The following CENPF variants were observed in gnomAD, a reference collection of about 807,000 sequenced individuals.
The protein encoded by CENPF is centromere protein F.
A neutral mutation model predicts 307.3 loss-of-function variants in CENPF; 214 were observed. The observed-to-expected ratio is 0.70, with a 90% CI of 0.62 to 0.78. CENPF has a LOEUF of 0.78. CENPF is among the 30% of genes least tolerant of loss of function. CENPF has a pLI of 0.00. For missense variants in CENPF, 3,401 were observed against 3,483.9 expected, an observed-to-expected ratio of 0.98 and a Z score of 0.60; for synonymous variants, 1,259 against 1,270.6, an observed-to-expected ratio of 0.99 and a Z score of 0.19.
Position 214,622,284 on chromosome 1 carries a change from A to T in CENPF, c.1068+3A>T. 6.3e-7 allele frequency: 1 copy of T among 1,589,948 alleles called. No individual in the cohort carries two copies. The highest frequency in any genetic ancestry group is 8.5e-7 in the Non-Finnish European group (1 of 1,171,158). The stretch of plus-strand genomic sequence containing the variant: ...AATACGACCAGGCGTCAACCAAGGT[A>T]CTTGACTTTTCGTGAATTACTGGAG... On this transcript the variant is annotated splice_donor_region_variant and intron_variant, in intron 7 of 19. Coordinates refer to ENST00000366955, the MANE Select transcript of CENPF (RefSeq NM_016343.4).
At chr1:214,648,854 T>A (rs751262973) in intron 14 of CENPF, 27 bp downstream of exon 14, 2 of 1,607,484 alleles carry the variant, frequency 1.2e-6, no homozygotes, top group African/African-American at 2.7e-5. Context: ...CAAGTGTTAT[T>A]ATGATCTGTT....
In CENPF at chr1:214,664,501, TGTC is replaced by T. The variant is rs1051468128; in HGVS notation, c.*710_*712del. 6 of 152,246 alleles carry T rather than the reference TGTC, an allele frequency of 3.9e-5. No individual in the cohort carries two copies. Among genetic ancestry groups the T allele is most frequent in the African/African-American group, 1.4e-4 (6 of 41,456 alleles). The allele number at this position is 152,246 out of a possible 1,614,324, so 9.4% of individuals were successfully genotyped here. ...TTTTTTACAGTTCTTTGGTAAGCAT[TGTC>T]GTATCTGGTGATGGATTAACATATA... On this transcript the variant is annotated 3_prime_UTR_variant, in exon 20 of 20. Coordinates refer to ENST00000366955, the MANE Select transcript of CENPF (RefSeq NM_016343.4).
At chr1:214,629,235 A>T (rs1484492171) in intron 8 of CENPF, 64 bp downstream of exon 8, 1 of 1,448,082 alleles carries the variant, frequency 6.9e-7, no homozygotes, top group East Asian at 2.5e-5. Flanking sequence ...TCATAGTTTG[A>T]TCACTTGGAA....
intron 15 of CENPF, 111 bp from the exon 16 acceptor site, chr1:214,652,717 A>T: frequency 1.1e-6 from 1 of 886,432 alleles, no homozygotes; most frequent in African/African-American, 1.7e-5. Context: ...TGCTGGGATT[A>T]CAGGTGTGAA....
In CENPF at chr1:214,646,003, C is replaced by A; in HGVS notation, c.6433C>A (p.Arg2145Ser). ...QLHIAEKLKE[R>S]ERENDSLKDK... The stretch of plus-strand genomic sequence containing the variant: ...GCACATCGCAGAGAAACTGAAAGAA[C>A]GCGAGCGGGAGAATGATTCACTTAA... Residue 2145 changes from arginine (R) to serine (S), a missense_variant, in exon 13 of 20, where the codon CGC (arginine) becomes AGC (serine). Physicochemically the swap from Arg to Ser is moderately radical, Grantham distance 110 (BLOSUM62 -1). Coordinates refer to ENST00000366955, the MANE Select transcript of CENPF (RefSeq NM_016343.4). 2 of 1,613,974 alleles carry A rather than the reference C, an allele frequency of 1.2e-6. No homozygotes were observed. Among genetic ancestry groups the A allele is most frequent in the Non-Finnish European group, 1.7e-6 (2 of 1,180,026 alleles).
At chr1:214,608,859 C>G (rs1176019812) in intron 1 of CENPF, 1 of 1,521,742 alleles carries the variant, frequency 6.6e-7, no homozygotes, top group African/African-American at 1.4e-5. Flanking sequence ...CCGCCCGGGC[C>G]AGGCCCCCAC....
chr1:214,652,762 A>ATT, intron 15 of CENPF, 66 bp from the exon 16 acceptor site: 1 of 1,365,768 alleles, frequency 7.3e-7, no homozygotes. Flanking sequence ...TTTTCTGACT[A>ATT]TTTTTTTTTA....
In CENPF at chr1:214,644,607, A is replaced by G. The variant is rs778879822; in HGVS notation, c.5037A>G (p.Ser1679=). The G allele has an allele frequency of 5.0e-6, 8 of 1,613,094 alleles. No homozygotes were observed. Among genetic ancestry groups the G allele is most frequent in the African/African-American group, 1.3e-5 (1 of 74,878 alleles). Residue 1679 remains serine (S), a synonymous_variant, in exon 13 of 20, where the codon TCA becomes TCG. Coordinates refer to ENST00000366955, the MANE Select transcript of CENPF (RefSeq NM_016343.4). ...ESCDISKEHT[S]ETTERTPKHD... is the part of the protein sequence containing the mutation. Reference sequence around the variant, plus strand: ...GTGACATATCAAAAGAACATACTTCAGAAACTACAGAAAGAACACCAAAGC... The same window carrying G: ...GTGACATATCAAAAGAACATACTTCGGAAACTACAGAAAGAACACCAAAGC...
chr1:214,629,082 G>C lies in CENPF; in HGVS notation c.1105G>C (p.Glu369Gln). 1.2e-6 allele frequency: 2 copies of C among 1,610,962 alleles called. No individual in the cohort carries two copies. Among genetic ancestry groups the C allele is most frequent in the Non-Finnish European group, 1.7e-6 (2 of 1,178,762 alleles). ...GGAACAAAAACTGAAAAAATTGACGGAAGATTTGAGTTGTCAGCGACAAAA... is the reference window on the plus strand; with the variant it reads ...GGAACAAAAACTGAAAAAATTGACGCAAGATTTGAGTTGTCAGCGACAAAA... ...ALEQKLKKLT[E>Q]DLSCQRQNAE... is the part of the protein sequence containing the mutation. Residue 369 changes from glutamate to glutamine, a missense_variant, in exon 8 of 20, where the codon GAA becomes CAA. Transcript: ENST00000366955.
At chr1:214,652,444 C>CTTTT (rs34873218) in intron 15 of CENPF, among the ~76,000 whole-genome samples, 1 of 120,946 alleles carries the variant, frequency 8.3e-6, no homozygotes, top group Non-Finnish European at 1.7e-5. Flanking sequence ...TTTTTCTTTT[C>CTTTT]TTTTTTTTTT....
intron 16 of CENPF, among the ~76,000 whole-genome samples, chr1:214,653,311 C>T (rs74445650): frequency 0.035 from 5,316 of 152,190 alleles, 311 homozygotes; most frequent in African/African-American, 0.12. Flanking sequence ...AACAGTCTGA[C>T]GGGCAATTCC....
Position 214,620,470 on chromosome 1 carries a change from G to A in CENPF, c.574-185G>A, listed in dbSNP as rs17023277. On this transcript the variant is annotated intron_variant, in intron 5 of 19. Coordinates refer to ENST00000366955, the MANE Select transcript of CENPF (RefSeq NM_016343.4). ...CTTATTCCTTCAATGCTAAGAAGTC[G>A]AGCATTAGAACATTCCATCACTGGG... is the stretch of plus-strand genomic sequence containing the variant. Among the ~76,000 whole-genome samples, 8,817 of 152,240 alleles carry A rather than the reference G, an allele frequency of 0.058. 814 individuals carry two copies. Among genetic ancestry groups the A allele is most frequent in the African/African-American group, 0.2 (8,276 of 41,528 alleles).
At chr1:214,638,498 T>C (rs1029788901) in intron 11 of CENPF, among the ~76,000 whole-genome samples, 8 of 152,206 alleles carry the variant, frequency 5.3e-5, no homozygotes, top group African/African-American at 1.9e-4. Flanking sequence ...CAAAGAATTC[T>C]GCTCTACACA....
intron 18 of CENPF, among the ~76,000 whole-genome samples, chr1:214,658,035 G>A (rs1366429677): frequency 2.6e-5 from 4 of 152,102 alleles, no homozygotes; most frequent in African/African-American, 9.7e-5. Context: ...TTATTCCACA[G>A]CACATTGGAA....
At chr1:214,609,131 G>A (rs954494550) in intron 1 of CENPF, among the ~76,000 whole-genome samples, 1 of 151,706 alleles carries the variant, frequency 6.6e-6, no homozygotes, top group Non-Finnish European at 1.5e-5. Flanking sequence ...GCGCCTGGCC[G>A]CCTGCCCGTG....
rs1033810435 is a variant in CENPF at position 214,642,652 on chromosome 1, T to C, written c.4314T>C (p.Tyr1438=). ...MSSKMSELQT[Y]VDSLKAENLV... ...CTAAAATGTCAGAGCTGCAGACCTA[T>C]GTTGACTCATTAAAGGCCGAAAATT... The change falls in exon 12 of 20, where the codon TAT becomes TAC. Residue 1438 remains tyrosine, a synonymous_variant. Transcript: ENST00000366955. The C allele has an allele frequency of 1.8e-5, 29 of 1,614,132 alleles. No homozygotes were observed. Among genetic ancestry groups the C allele is most frequent in the Non-Finnish European group, 2.3e-5 (27 of 1,180,008 alleles).
rs541136872 is a variant in CENPF, at chr1:214,652,762, A to T, written c.8161-66A>T. 558 of 1,365,802 alleles carry T rather than the reference A, an allele frequency of 4.1e-4. 1 individual carries two copies. In the Middle Eastern group the frequency reaches 0.018, roughly 45 times the overall value. 84.6% of individuals were successfully genotyped at this position (1,365,802 alleles called of 1,614,324 possible). ...CCAGCTGTTTTTTGTTTTTCTGACT[A>T]TTTTTTTTTAGCTGTGCCTCCTGGC... On this transcript the variant is annotated intron_variant, in intron 15 of 19. Transcript: ENST00000366955.
Position 214,640,674 on chromosome 1 carries a change from A to T in CENPF, c.2336A>T (p.Asp779Val). 6.2e-7 allele frequency: 1 copy of T among 1,614,038 alleles called. No individual in the cohort carries two copies. The highest frequency in any genetic ancestry group is 8.5e-7 in the Non-Finnish European group (1 of 1,179,986). ...SKDASLVTNE[D>V]HQRSLLAFDQ... ...GATGCTTCTCTGGTGACAAATGAAGATCATCAGAGAAGTCTTTTGGCTTTT... is the reference window on the plus strand; with the variant it reads ...GATGCTTCTCTGGTGACAAATGAAGTTCATCAGAGAAGTCTTTTGGCTTTT... Residue 779 changes from aspartate (D) to valine (V), a missense_variant, in exon 12 of 20, where the codon GAT becomes GTT. Transcript: ENST00000366955.
intron 19 of CENPF, among the ~76,000 whole-genome samples, chr1:214,660,057 A>C (rs1658750370): frequency 6.6e-6 from 1 of 152,226 alleles, no homozygotes; most frequent in Admixed American, 6.5e-5. Flanking sequence ...TGGGATACCA[A>C]ATATGAACAC....
Sources: allele counts gnomAD v4.1 joint callset (sites outside exome capture counted in the v4.1 genomes callset), GRCh38; gene constraint gnomAD v4.1.1; transcripts MANE v1.5; gene names NCBI Gene and HGNC (gene_info 2026-07-23, HGNC 2026-07-21).